The following PRPF6 variants were observed in gnomAD, a reference collection of about 807,000 sequenced individuals.
The protein encoded by PRPF6 is pre-mRNA processing factor 6.
A neutral mutation model predicts 118.3 loss-of-function variants in PRPF6; 42 were observed. The observed-to-expected ratio is 0.35, with a 90% CI of 0.28 to 0.46. The LOEUF is 0.46. Ranked by LOEUF, PRPF6 falls within the 20% of genes least tolerant of loss-of-function variation. PRPF6 has a pLI of 1.00. For synonymous variants in PRPF6, 481 were observed against 485.1 expected (o/e 0.99, Z 0.11); for missense variants, 662 against 1,255.7 (o/e 0.53, Z 7.15).
At position 64,032,994 on chromosome 20, in the gene PRPF6, T is replaced by C. The variant is rs1167495795; in HGVS notation, c.*1T>C. ...CGGCCGCATCAAGAACACCTTCTGA[T>C]TGAGCGGTTGCCATGGCCGGTCTCC... On this transcript the variant is annotated 3_prime_UTR_variant, in exon 21 of 21. Transcript: ENST00000266079. 1.9e-6 allele frequency: 3 copies of C among 1,613,224 alleles called. No homozygotes were observed. Among genetic ancestry groups the C allele is most frequent in the East Asian group, 2.2e-5 (1 of 44,890 alleles).
Position 64,027,555 on chromosome 20 carries a change from G to T in PRPF6, c.2206-48G>T. 6.2e-7 allele frequency: 1 copy of T among 1,613,756 alleles called. No homozygotes were observed. ...AGAAGCTGGGCATGGCTGTGTCCCA[G>T]TTCTTCATAGACACCACCTGAGCTG... On this transcript the variant is annotated intron_variant, in intron 16 of 20. Coordinates refer to ENST00000266079, the MANE Select transcript of PRPF6 (RefSeq NM_012469.4). The surrounding 1 kb of genome is among the most constrained non-coding windows in gnomAD (Gnocchi z 6.5).
At chr20:63,998,797 G>A (rs1219255856) in intron 6 of PRPF6, among the ~76,000 whole-genome samples, 13 of 149,180 alleles carry the variant, frequency 8.7e-5, no homozygotes, top group African/African-American at 2.7e-4. Flanking sequence ...AGCCGAGATT[G>A]CACAACTGCA....
intron 3 of PRPF6, among the ~76,000 whole-genome samples, chr20:63,987,221 A>G (rs962267818): frequency 6.7e-6 from 1 of 149,030 alleles, no homozygotes; most frequent in Non-Finnish European, 1.5e-5. Flanking sequence ...TAAAAGCTAT[A>G]TACAGCTGGA....
intron 11 of PRPF6, among the ~76,000 whole-genome samples, chr20:64,012,864 T>A: frequency 1.9e-5 from 2 of 108,102 alleles, no homozygotes; most frequent in African/African-American, 8.4e-5. Context: ...GGAAGTCTCA[T>A]GGCTTCTTTC....
chr20:63,982,350 T>G (rs1313491128), intron 1 of PRPF6, among the ~76,000 whole-genome samples: 1 of 152,072 alleles, frequency 6.6e-6, no homozygotes, highest in East Asian at 1.9e-4. Flanking sequence ...TTTTGTATTT[T>G]TAGTAGAGAC....
chr20:64,008,113 C>G (rs1432150901), intron 9 of PRPF6, among the ~76,000 whole-genome samples: 1 of 152,212 alleles, frequency 6.6e-6, no homozygotes, highest in Non-Finnish European at 1.5e-5. Flanking sequence ...TAAATGTCTA[C>G]TGCATTCATA....
chr20:64,001,265 T>TTCTCC lies in PRPF6; in HGVS notation c.1186+27_1186+31dup, dbSNP rs765503563. On this transcript the variant is annotated intron_variant, in intron 9 of 20. Coordinates refer to ENST00000266079, the MANE Select transcript of PRPF6 (RefSeq NM_012469.4). ...GTGAGCCTCCCTCGGAGGTGCTGCT[T>TTCTCC]TCTCCCTCCTTGGGGCCCCTCCTCT... is the stretch of plus-strand genomic sequence containing the variant. 5 of 1,613,938 alleles carry TTCTCC rather than the reference T, an allele frequency of 3.1e-6. No homozygotes were observed. The Admixed American group carries it at 5.0e-5, about 16-fold the overall frequency.
chr20:64,032,585 C>T (rs567580191), intron 20 of PRPF6, among the ~76,000 whole-genome samples: 1 of 152,380 alleles, frequency 6.6e-6, no homozygotes, highest in Admixed American at 6.5e-5. Flanking sequence ...GTGTGAGGCA[C>T]AGACATGGGG....
intron 11 of PRPF6, 69 bp from the exon 12 acceptor site, chr20:64,016,654 G>A (rs1371621847): frequency 6.3e-6 from 10 of 1,593,482 alleles, no homozygotes; most frequent in East Asian, 2.3e-5. Flanking sequence ...CAGGAACTCC[G>A]TACTCCCCGT....
At chr20:63,982,320 C>T (rs568365009) in intron 1 of PRPF6, among the ~76,000 whole-genome samples, 53 of 152,186 alleles carry the variant, frequency 3.5e-4, no homozygotes, top group African/African-American at 1.2e-3. Flanking sequence ...TATAGGTGCC[C>T]GCTACCACGC....
Position 64,027,766 on chromosome 20 carries a change from T to G in PRPF6, c.2339+30T>G, listed in dbSNP as rs768486147. 4.3e-6 allele frequency: 7 copies of G among 1,612,962 alleles called. No individual in the cohort carries two copies. In the African/African-American group the frequency reaches 6.7e-5, roughly 15 times the overall value. On this transcript the variant is annotated intron_variant, in intron 17 of 20. Coordinates refer to ENST00000266079, the MANE Select transcript of PRPF6 (RefSeq NM_012469.4). The surrounding 1 kb of genome is among the most constrained non-coding windows in gnomAD (Gnocchi z 6.5). ...GTCCTGGAGGGGGCAGCCTGGCCTC[T>G]GGGCACAGCTTCCCCATCAGGTGGG...
In PRPF6 at chr20:64,026,927, G is replaced by C. The variant is rs2059293847; in HGVS notation, c.2029-55G>C. The C allele has an allele frequency of 1.9e-6, 3 of 1,595,118 alleles. No individual in the cohort carries two copies. The highest frequency in any genetic ancestry group is 1.7e-6 in the Non-Finnish European group (2 of 1,163,704). On this transcript the variant is annotated intron_variant, in intron 15 of 20. Transcript: ENST00000266079. This position sits in a 1 kb window ranked among gnomAD's most constrained non-coding sequence, Gnocchi z 4.4. ...ACAGTGTTGAGGATGAGTGTACCAT[G>C]AAGCACGTACCCTGGAGCTGATGCC... is the stretch of plus-strand genomic sequence containing the variant.
At chr20:64,015,216 T>A (rs2059231639) in intron 11 of PRPF6, among the ~76,000 whole-genome samples, 1 of 152,228 alleles carries the variant, frequency 6.6e-6, no homozygotes, top group African/African-American at 2.4e-5. Context: ...GCAGTTTGCA[T>A]TCAGTAGAAA....
intron 3 of PRPF6, among the ~76,000 whole-genome samples, chr20:63,988,060 C>T (rs2059102513): frequency 6.6e-6 from 1 of 151,936 alleles, no homozygotes; most frequent in African/African-American, 2.4e-5. Context: ...GGACTCACGC[C>T]TGTAATCCCA....
intron 11 of PRPF6, 141 bp from the exon 12 acceptor site, chr20:64,016,582 T>C (rs1458534962): frequency 1.6e-5 from 18 of 1,098,122 alleles, no homozygotes; most frequent in Non-Finnish European, 2.4e-5. Context: ...TAGACTCACT[T>C]CCTCAGATCC....
chr20:63,987,508 C>T (rs1313881222), intron 3 of PRPF6, among the ~76,000 whole-genome samples: 1 of 152,026 alleles, frequency 6.6e-6, no homozygotes, highest in Admixed American at 6.6e-5. Context: ...GGTAGGCCCA[C>T]AGCTCGTATC....
chr20:64,005,879 G>C (rs2059187773), intron 9 of PRPF6, among the ~76,000 whole-genome samples: 1 of 152,064 alleles, frequency 6.6e-6, no homozygotes, highest in Non-Finnish European at 1.5e-5. Context: ...GGACTCCAGG[G>C]ACATACCACC....
In PRPF6 at chr20:64,027,588, A is replaced by T. The variant is rs201648228; in HGVS notation, c.2206-15A>T. 307 of 1,613,928 alleles carry T rather than the reference A, an allele frequency of 1.9e-4. No homozygotes were observed. The highest frequency in any genetic ancestry group is 2.5e-4 in the Non-Finnish European group (298 of 1,179,990). On this transcript the variant is annotated splice_polypyrimidine_tract_variant and intron_variant, in intron 16 of 20. Coordinates refer to ENST00000266079, the MANE Select transcript of PRPF6 (RefSeq NM_012469.4). The surrounding 1 kb of genome is among the most constrained non-coding windows in gnomAD (Gnocchi z 6.5). The stretch of plus-strand genomic sequence containing the variant: ...TAGACACCACCTGAGCTGCTCTCTT[A>T]CTTGTTGGTTGCAGTTGAAGAAGTG...
Position 64,016,746 on chromosome 20 carries a change from T to G in PRPF6, c.1548T>G (p.Ala516=). Residue 516 remains alanine, a synonymous_variant, in exon 12 of 21, where the codon GCT becomes GCG. Transcript: ENST00000266079. ...WIQDAEECDR[A]GSVATCQAVM... is the part of the protein sequence containing the mutation. ...AGGATGCCGAGGAATGTGACAGGGCTGGGAGTGTGGCCACCTGCCAGGCCG... is the reference window on the plus strand; with the variant it reads ...AGGATGCCGAGGAATGTGACAGGGCGGGGAGTGTGGCCACCTGCCAGGCCG... 1 of 1,614,090 alleles carries G rather than the reference T, an allele frequency of 6.2e-7. No homozygotes were observed. The highest frequency in any genetic ancestry group is 1.3e-5 in the African/African-American group (1 of 75,022).
Sources: allele counts gnomAD v4.1 joint callset (sites outside exome capture counted in the v4.1 genomes callset), GRCh38; gene constraint gnomAD v4.1.1; non-coding constraint Gnocchi (gnomAD v3.1); transcripts MANE v1.5; gene names NCBI Gene and HGNC (gene_info 2026-07-23, HGNC 2026-07-21).